PDXK: variants seen among roughly 807,000 people sequenced by gnomAD.
The protein encoded by PDXK is epididymis secretory sperm binding protein Li 1a.
A neutral mutation model predicts 43.2 loss-of-function variants in PDXK; 15 were observed. The ratio of observed to expected loss-of-function variants is 0.35; its 90% CI spans 0.23 to 0.53. The LOEUF is 0.53. Ranked by LOEUF, PDXK falls within the 20% of genes least tolerant of loss-of-function variation. The pLI is 0.92. For missense variants in PDXK, 343 were observed against 417.0 expected (o/e 0.82, Z 1.54); for synonymous variants, 172 against 165.4 (o/e 1.04, Z -0.31).
intron 3 of PDXK, among the ~76,000 whole-genome samples, chr21:43,741,990 G>C (rs747950553): frequency 1.3e-5 from 2 of 152,008 alleles, no homozygotes; most frequent in African/African-American, 4.8e-5. Flanking sequence ...GCTGTGCCAA[G>C]TCACCCCCAC....
rs1440926485 is a variant in PDXK, at chr21:43,735,770, C to T, written c.142+1647C>T. ...GGGTCAGCTGTCTGTGCGGCCTGAT[C>T]AGGAGGCCCCCGGGTAGCTTCCCTA... On this transcript the variant is annotated intron_variant, in intron 2 of 10. Transcript: ENST00000291565. This position sits in a 1 kb window ranked among gnomAD's most constrained non-coding sequence, Gnocchi z 5.3. Among the ~76,000 whole-genome samples the T allele has an allele frequency of 6.6e-6, 1 of 152,154 alleles. No homozygotes were observed. The highest frequency in any genetic ancestry group is 2.4e-5 in the African/African-American group (1 of 41,444).
chr21:43,741,641 G>A (rs969151786), intron 2 of PDXK, 26 bp from the exon 3 acceptor site: 4 of 1,603,278 alleles, frequency 2.5e-6, no homozygotes, highest in Admixed American at 1.7e-5. Context: ...TTGTGTCTGA[G>A]CCCCCATGGC....
rs531236318 is a variant in PDXK, at chr21:43,737,340, C to T, written c.142+3217C>T. 60 of 1,331,080 alleles carry T rather than the reference C, an allele frequency of 4.5e-5. No homozygotes were observed. Among genetic ancestry groups the T allele is most frequent in the Middle Eastern group, 2.9e-4 (1 of 3,456 alleles). 82.5% of individuals were successfully genotyped at this position (1,331,080 alleles called of 1,614,324 possible). A position where few individuals can be genotyped will look rare whatever the true frequency, so the allele number is the denominator to read the frequency against. Reference sequence around the variant, plus strand: ...CTGCCCCTTCCCCCGGCCAGGCCCCCGTTCCTTGAGGCCGTACCACAAGGT... The same window carrying T: ...CTGCCCCTTCCCCCGGCCAGGCCCCTGTTCCTTGAGGCCGTACCACAAGGT... On this transcript the variant is annotated intron_variant, in intron 2 of 10. Transcript: ENST00000291565. This position sits in a 1 kb window ranked among gnomAD's most constrained non-coding sequence, Gnocchi z 4.8.
At chr21:43,728,867 G>C (rs887590833) in intron 1 of PDXK, 9 of 985,492 alleles carry the variant, frequency 9.1e-6, no homozygotes, top group Non-Finnish European at 1.1e-5. Flanking sequence ...GGCCCCCGCA[G>C]GAAGTTCCCA....
At chr21:43,733,950 G>A (rs1568976949) in intron 1 of PDXK, 119 bp from the exon 2 acceptor site, 6 of 958,442 alleles carry the variant, frequency 6.3e-6, no homozygotes, top group Admixed American at 1.9e-5. Flanking sequence ...GCCTGCAGCT[G>A]GGGGCCCCGT....
At chr21:43,752,280 A>G (rs1033423642) in intron 7 of PDXK, among the ~76,000 whole-genome samples, 2 of 152,076 alleles carry the variant, frequency 1.3e-5, no homozygotes, top group African/African-American at 4.8e-5. Context: ...CTCGCCAGTC[A>G]CCTGTGGGGA....
chr21:43,728,844 G>A, intron 1 of PDXK: 9 of 985,622 alleles, frequency 9.1e-6, no homozygotes, highest in African/African-American at 1.7e-5. Flanking sequence ...GAGGTTGAAA[G>A]CACTTCCGCT....
At chr21:43,720,453 G>A (rs894657245) in intron 1 of PDXK, among the ~76,000 whole-genome samples, 3 of 152,216 alleles carry the variant, frequency 2.0e-5, no homozygotes, top group Admixed American at 2.0e-4. Flanking sequence ...ACCTAGGCGT[G>A]CCCCCAGGAG....
Position 43,719,264 on chromosome 21 carries a change from TCGGCCCCGCGCCGCCG to T in PDXK, c.-25_-10del. 1 of 1,344,744 alleles carries T rather than the reference TCGGCCCCGCGCCGCCG, an allele frequency of 7.4e-7. No homozygotes were observed. The highest frequency in any genetic ancestry group is 9.7e-7 in the Non-Finnish European group (1 of 1,025,902). The allele number at this position is 1,344,744 out of a possible 1,614,324, so 83.3% of individuals were successfully genotyped here. On this transcript the variant is annotated 5_prime_UTR_variant, in exon 1 of 11. Transcript: ENST00000291565. ...GAGCGGCGGAGACCGTGCCCCCGCC[TCGGCCCCGCGCCGCCG>T]CGGCCAGGCCCGGCATGGAGGAGGA...
rs2083186248 is a variant in PDXK, at chr21:43,719,238, C to G, written c.-57C>G. Reference sequence around the variant, plus strand: ...AGCCCGAGCCGAGCCGGAGCCCGAGCGAGCGGCGGAGACCGTGCCCCCGCC... The same window carrying G: ...AGCCCGAGCCGAGCCGGAGCCCGAGGGAGCGGCGGAGACCGTGCCCCCGCC... On this transcript the variant is annotated 5_prime_UTR_variant, in exon 1 of 11. Coordinates refer to ENST00000291565, the MANE Select transcript of PDXK (RefSeq NM_003681.5). 2.0e-5 allele frequency: 21 copies of G among 1,031,070 alleles called. No individual in the cohort carries two copies. 63.9% of individuals were successfully genotyped at this position (1,031,070 alleles called of 1,614,324 possible). A position where few individuals can be genotyped will look rare whatever the true frequency, so the allele number is the denominator to read the frequency against.
At position 43,737,642 on chromosome 21, in the gene PDXK, A is replaced by G. The variant is rs1242352419; in HGVS notation, c.142+3519A>G. 3.0e-6 allele frequency: 3 copies of G among 986,102 alleles called. No homozygotes were observed. The African/African-American group carries it at 5.4e-5, about 18-fold the overall frequency. The allele number at this position is 986,102 out of a possible 1,614,324, so 61.1% of individuals were successfully genotyped here. ...GGAAGGGGCAGCTGGTGTGAACACA[A>G]GGAGCTGCGGGGCTGGAGAAGGCCA... On this transcript the variant is annotated intron_variant, in intron 2 of 10. Coordinates refer to ENST00000291565, the MANE Select transcript of PDXK (RefSeq NM_003681.5). This position sits in a 1 kb window ranked among gnomAD's most constrained non-coding sequence, Gnocchi z 4.8.
At position 43,753,985 on chromosome 21, in the gene PDXK, C is replaced by T. The variant is rs552390534; in HGVS notation, c.759+266C>T. 2.6e-5 allele frequency among the ~76,000 whole-genome samples: 4 copies of T among 152,360 alleles called. No individual in the cohort carries two copies. The East Asian group carries it at 7.7e-4, about 29-fold the overall frequency. On this transcript the variant is annotated intron_variant, in intron 9 of 10. Coordinates refer to ENST00000291565, the MANE Select transcript of PDXK (RefSeq NM_003681.5). ...GGTGACAGATGTTTCAGAACAGACC[C>T]ATGGGGGTCCCACCAGGATTCAGAT...
rs555327752 is a variant in PDXK, at chr21:43,720,262, C to T, written c.87+881C>T. On this transcript the variant is annotated intron_variant, in intron 1 of 10. Transcript: ENST00000291565. Reference sequence around the variant, plus strand: ...TGGGGGTGCCCTGCCGGGTCGTGCTCTCCTGTGCTGCCCACCTGCGGCCTG... The same window carrying T: ...TGGGGGTGCCCTGCCGGGTCGTGCTTTCCTGTGCTGCCCACCTGCGGCCTG... Among the ~76,000 whole-genome samples the T allele has an allele frequency of 4.6e-5, 7 of 152,296 alleles. No individual in the cohort carries two copies. In the South Asian group the frequency reaches 1.5e-3, roughly 32 times the overall value.
intron 2 of PDXK, chr21:43,738,075 T>G: frequency 1.0e-6 from 1 of 983,564 alleles, no homozygotes; most frequent in South Asian, 4.7e-5. Flanking sequence ...TATGGCTGAA[T>G]TACGTCCCCC....
intron 2 of PDXK, among the ~76,000 whole-genome samples, chr21:43,736,008 A>G (rs1476948082): frequency 6.6e-6 from 1 of 152,116 alleles, no homozygotes. Flanking sequence ...GCAGCCCCTC[A>G]GCCCCTCTGG....
rs2083426508 is a variant in PDXK at position 43,737,585 on chromosome 21, C to T, written c.142+3462C>T. On this transcript the variant is annotated intron_variant, in intron 2 of 10. Transcript: ENST00000291565. This position sits in a 1 kb window ranked among gnomAD's most constrained non-coding sequence, Gnocchi z 4.8. ...GAGCCAGAGGGGATGGGACAGGTGC[C>T]CTGCTGCTGGGCTTGGTGGTCCCTG... 1 of 991,480 alleles carries T rather than the reference C, an allele frequency of 1.0e-6. No homozygotes were observed. The allele number at this position is 991,480 out of a possible 1,614,324, so 61.4% of individuals were successfully genotyped here.
intron 1 of PDXK, among the ~76,000 whole-genome samples, chr21:43,729,861 T>C (rs1388049314): frequency 6.6e-6 from 1 of 151,938 alleles, no homozygotes; most frequent in East Asian, 1.9e-4. Flanking sequence ...GGAGAATCAA[T>C]TGAGCCCAGG....
At position 43,758,129 on chromosome 21, in the gene PDXK, G is replaced by GT. The variant is rs1261512621; in HGVS notation, c.*2068dup. ...GACTCCTTCTGCCCCTGCAGTGGGTGTTACGGGCGGTGTGCCCTGGCGAGC... is the reference window on the plus strand; with the variant it reads ...GACTCCTTCTGCCCCTGCAGTGGGTGTTTACGGGCGGTGTGCCCTGGCGAGC... On this transcript the variant is annotated 3_prime_UTR_variant, in exon 11 of 11. Transcript: ENST00000291565. 1 of 153,708 alleles carries GT rather than the reference G, an allele frequency of 6.5e-6. No individual in the cohort carries two copies. The highest frequency in any genetic ancestry group is 1.5e-5 in the Non-Finnish European group (1 of 68,036). 9.5% of individuals were successfully genotyped at this position (153,708 alleles called of 1,614,324 possible). A position where few individuals can be genotyped will look rare whatever the true frequency, so the allele number is the denominator to read the frequency against.
chr21:43,739,541 C>G (rs923776185), intron 2 of PDXK, among the ~76,000 whole-genome samples: 1 of 144,640 alleles, frequency 6.9e-6, no homozygotes, highest in African/African-American at 2.6e-5. Context: ...AAACAAACAC[C>G]TCCTTCACAT....
Sources: gnomAD v4.1 joint callset for allele counts (sites outside exome capture counted in the v4.1 genomes callset) on GRCh38, gnomAD v4.1.1 for gene constraint, Gnocchi (gnomAD v3.1) non-coding constraint, MANE v1.5 for transcripts, NCBI Gene and HGNC (gene_info 2026-07-23, HGNC 2026-07-21) for gene names.